ADAM10: variants seen among roughly 807,000 people sequenced by gnomAD.
ADAM10 encodes disintegrin and metalloproteinase domain-containing protein 10.
A neutral mutation model predicts 90.1 loss-of-function variants in ADAM10; 17 were observed. That is an observed-to-expected ratio of 0.19 (90% confidence interval 0.13 to 0.28). ADAM10 has a LOEUF of 0.28. Ranked by LOEUF, ADAM10 falls within the 10% of genes least tolerant of loss-of-function variation. The probability of loss-of-function intolerance (pLI) is 1.00; values close to 1 mark genes in which losing one functional copy is unlikely to be tolerated. For synonymous variants in ADAM10, 310 were observed against 298.6 expected, an observed-to-expected ratio of 1.04 and a Z score of -0.40; for missense variants, 610 against 914.3, an observed-to-expected ratio of 0.67 and a Z score of 4.29.
At chr15:58,671,155 T>A (rs1267343724) in intron 4 of ADAM10, among the ~76,000 whole-genome samples, 9 of 152,086 alleles carry the variant, frequency 5.9e-5, no homozygotes, top group African/African-American at 2.2e-4. Flanking sequence ...AAAAAACAGT[T>A]TTAACTAGTA....
At chr15:58,739,823 A>C (rs149110387) in intron 1 of ADAM10, among the ~76,000 whole-genome samples, 3 of 152,358 alleles carry the variant, frequency 2.0e-5, no homozygotes, top group Non-Finnish European at 4.4e-5. Context: ...ATGTAATGAG[A>C]CTATTTCCAT....
intron 2 of ADAM10, chr15:58,691,676 CTTTTTTTTT>C (rs71116587): frequency 3.0e-5 from 7 of 231,880 alleles, no homozygotes; most frequent in Admixed American, 7.3e-5. Context: ...ACTTCTTCTT[CTTTTTTTTT>C]TTTTTTTTTT....
chr15:58,727,542 G>A (rs1359759829), intron 1 of ADAM10, among the ~76,000 whole-genome samples: 1 of 152,084 alleles, frequency 6.6e-6, no homozygotes, highest in Non-Finnish European at 1.5e-5. Context: ...ATGTTGTCTA[G>A]GCTGGTCTCA....
chr15:58,631,001 T>C (rs939089620), intron 9 of ADAM10, among the ~76,000 whole-genome samples: 3 of 152,070 alleles, frequency 2.0e-5, no homozygotes, highest in Non-Finnish European at 4.4e-5. Context: ...TCTCACTCTC[T>C]TAGTTTCTGC....
rs1894815659 is a variant in ADAM10, at chr15:58,591,141, C to CAGTG, written c.*6402_*6405dup. 1 of 135,648 alleles carries CAGTG rather than the reference C, an allele frequency of 7.4e-6. No individual in the cohort carries two copies. The highest frequency in any genetic ancestry group is 1.5e-5 in the Non-Finnish European group (1 of 66,832). 8.4% of individuals were successfully genotyped at this position (135,648 alleles called of 1,614,324 possible). A position where few individuals can be genotyped will look rare whatever the true frequency, so the allele number is the denominator to read the frequency against. On this transcript the variant is annotated 3_prime_UTR_variant, in exon 16 of 16. Coordinates refer to ENST00000260408, the MANE Select transcript of ADAM10 (RefSeq NM_001110.4). ...TTAAGTAGTTAGCTAAGCCCTTCAA[C>CAGTG]AGTGAGAGAGAGAGAGAGAGACAGA...
chr15:58,609,872 C>A (rs1006875694), intron 14 of ADAM10: 3 of 221,342 alleles, frequency 1.4e-5, no homozygotes, highest in Non-Finnish European at 2.7e-5. Context: ...TTCAACATTT[C>A]CTATTACAAA....
Position 58,731,908 on chromosome 15 carries a change from G to A in ADAM10, c.56-14181C>T, listed in dbSNP as rs528534317. Among the ~76,000 whole-genome samples the A allele has an allele frequency of 5.3e-5, 8 of 152,286 alleles. No individual in the cohort carries two copies. The South Asian group carries it at 1.7e-3, about 32-fold the overall frequency. On this transcript the variant is annotated intron_variant, in intron 1 of 15. Coordinates refer to ENST00000260408, the MANE Select transcript of ADAM10 (RefSeq NM_001110.4). Reference sequence around the variant, plus strand: ...TTCTCTGAATAGCAACCACACACATGTGAGTCATGGGGTGGAGACTTCTGG... The same window carrying A: ...TTCTCTGAATAGCAACCACACACATATGAGTCATGGGGTGGAGACTTCTGG...
At chr15:58,674,678 A>G (rs1596055345) in intron 4 of ADAM10, among the ~76,000 whole-genome samples, 1 of 152,352 alleles carries the variant, frequency 6.6e-6, no homozygotes, top group Middle Eastern at 3.4e-3. Flanking sequence ...ACATTTTAAA[A>G]GTTTTAGATG....
intron 1 of ADAM10, among the ~76,000 whole-genome samples, chr15:58,730,627 G>A (rs1364390051): frequency 6.6e-6 from 1 of 152,058 alleles, no homozygotes; most frequent in Non-Finnish European, 1.5e-5. Flanking sequence ...ACAAACCTCT[G>A]TGTTAGTTAA....
chr15:58,650,059 A>C (rs141833398), intron 5 of ADAM10, among the ~76,000 whole-genome samples: 47 of 152,268 alleles, frequency 3.1e-4, no homozygotes, highest in African/African-American at 1.1e-3. Flanking sequence ...ACATTTGTCA[A>C]TTCTAAATTT....
chr15:58,670,711 T>A (rs1897172239), intron 4 of ADAM10, among the ~76,000 whole-genome samples: 1 of 152,162 alleles, frequency 6.6e-6, no homozygotes, highest in Non-Finnish European at 1.5e-5. Context: ...ATACTTAATT[T>A]ACATACAAGA....
intron 4 of ADAM10, among the ~76,000 whole-genome samples, chr15:58,671,441 G>A (rs1897187823): frequency 6.6e-6 from 1 of 152,168 alleles, no homozygotes. Flanking sequence ...TAAGGTCACT[G>A]GTACAAACAT....
At chr15:58,695,710 G>C (rs546375776) in intron 2 of ADAM10, among the ~76,000 whole-genome samples, 17 of 152,258 alleles carry the variant, frequency 1.1e-4, no homozygotes, top group African/African-American at 3.4e-4. Flanking sequence ...TTCTGGCCTG[G>C]CACGGTATTG....
At position 58,593,992 on chromosome 15, in the gene ADAM10, A is replaced by G. The variant is rs1224640935; in HGVS notation, c.*3555T>C. 1 of 152,234 alleles carries G rather than the reference A, an allele frequency of 6.6e-6. No individual in the cohort carries two copies. Among genetic ancestry groups the G allele is most frequent in the Non-Finnish European group, 1.5e-5 (1 of 68,034 alleles). 9.4% of individuals were successfully genotyped at this position (152,234 alleles called of 1,614,324 possible). ...ATCAAATGGAAGTTGTTTTTAATCA[A>G]GAACACAACATGAGAGATGCTGAAA... On this transcript the variant is annotated 3_prime_UTR_variant, in exon 16 of 16. Coordinates refer to ENST00000260408, the MANE Select transcript of ADAM10 (RefSeq NM_001110.4).
rs555511459 is a variant in ADAM10, at chr15:58,720,927, C to T, written c.56-3200G>A. Among the ~76,000 whole-genome samples the T allele has an allele frequency of 5.9e-5, 9 of 152,320 alleles. No homozygotes were observed. In the South Asian group the frequency reaches 1.7e-3, roughly 28 times the overall value. On this transcript the variant is annotated intron_variant, in intron 1 of 15. Coordinates refer to ENST00000260408, the MANE Select transcript of ADAM10 (RefSeq NM_001110.4). ...GTGGTCTGAGTTGCCATAGCACAAG[C>T]TTGGCTTTGCAGAACTGTGGATTCC...
At chr15:58,690,580 G>C (rs753693074) in intron 2 of ADAM10, among the ~76,000 whole-genome samples, 8 of 152,128 alleles carry the variant, frequency 5.3e-5, no homozygotes, top group Non-Finnish European at 7.4e-5. Flanking sequence ...AGGGAATGGG[G>C]CTTGATGCCC....
At chr15:58,628,678 A>C (rs568239546) in intron 9 of ADAM10, among the ~76,000 whole-genome samples, 69 of 152,300 alleles carry the variant, frequency 4.5e-4, no homozygotes, top group African/African-American at 1.6e-3. Context: ...GCACTAAAAC[A>C]ACCCTCACAA....
At chr15:58,706,118 T>A (rs531874382) in intron 2 of ADAM10, among the ~76,000 whole-genome samples, 1 of 152,182 alleles carries the variant, frequency 6.6e-6, no homozygotes, top group Non-Finnish European at 1.5e-5. Context: ...AAAGACAGTA[T>A]GGTTCTAATA....
rs184926 is a variant in ADAM10, at chr15:58,715,479, T to C, written c.206+2098A>G. ...TGAGACCACATTACATGAGATTTCC[T>C]GGTTTCAGGTCCTTTTTTAGTGCCT... is the stretch of plus-strand genomic sequence containing the variant. On this transcript the variant is annotated intron_variant, in intron 2 of 15. Coordinates refer to ENST00000260408, the MANE Select transcript of ADAM10 (RefSeq NM_001110.4). 5.5e-3 allele frequency among the ~76,000 whole-genome samples: 838 copies of C among 152,076 alleles called. 7 individuals carry two copies. The highest frequency in any genetic ancestry group is 0.017 in the African/African-American group (718 of 41,446).
Sources: gnomAD v4.1 joint callset for allele counts (sites outside exome capture counted in the v4.1 genomes callset) on GRCh38, gnomAD v4.1.1 for gene constraint, MANE v1.5 for transcripts, NCBI Gene and HGNC (gene_info 2026-07-23, HGNC 2026-07-21) for gene names.